Variants in CHRNB2 observed in about 807,000 individuals in gnomAD.
CHRNB2 encodes the protein neuronal acetylcholine receptor subunit beta-2.
A neutral mutation model predicts 42.7 loss-of-function variants in CHRNB2; 33 were observed. The ratio of observed to expected loss-of-function variants is 0.77; its 90% CI spans 0.59 to 1.03. CHRNB2 has a LOEUF of 1.03. CHRNB2 is among the 50% of genes least tolerant of loss of function. The pLI, the probability that CHRNB2 is intolerant of heterozygous loss-of-function variation, is 0.00. For synonymous variants in CHRNB2, 325 were observed against 292.9 expected, an observed-to-expected ratio of 1.11 and a Z score of -1.12; for missense variants, 603 against 700.9, an observed-to-expected ratio of 0.86 and a Z score of 1.58.
intron 2 of CHRNB2, 42 bp from the exon 3 acceptor site, chr1:154,569,750 A>G (rs1342262607): frequency 6.2e-7 from 1 of 1,613,970 alleles, no homozygotes; most frequent in South Asian, 1.1e-5. Context: ...GTGACCCCAC[A>G]GGCTTAGGGG....
chr1:154,569,897 A>G (rs1005923760), intron 3 of CHRNB2, 61 bp downstream of exon 3: 7 of 1,588,128 alleles, frequency 4.4e-6, no homozygotes, highest in Admixed American at 3.3e-5. Flanking sequence ...CTTTTTCCCC[A>G]TGTGCTTTTT....
chr1:154,571,890 G>A lies in CHRNB2; in HGVS notation c.1067G>A (p.Cys356Tyr), dbSNP rs1186580378. 1 of 1,587,584 alleles carries A rather than the reference G, an allele frequency of 6.3e-7. No homozygotes were observed. The highest frequency in any genetic ancestry group is 8.5e-7 in the Non-Finnish European group (1 of 1,170,772). ...TTCATGCAGCAGCCACGCCATCATT[G>A]CGCCCGTCAGCGCCTGCGCCTGCGG... ...LLFMQQPRHH[C>Y]ARQRLRLRRR... Residue 356 changes from cysteine to tyrosine, a missense_variant, in exon 5 of 6, where the codon TGC (cysteine) becomes TAC (tyrosine). Transcript: ENST00000368476. This position sits in a 1 kb window ranked among gnomAD's most constrained non-coding sequence, Gnocchi z 6.8.
At chr1:154,568,704 G>A (rs747757694) in intron 1 of CHRNB2, among the ~76,000 whole-genome samples, 1 of 151,978 alleles carries the variant, frequency 6.6e-6, no homozygotes, top group South Asian at 2.1e-4. Flanking sequence ...GGGTGTGTTC[G>A]TGCAGAGTTG....
intron 3 of CHRNB2, 31 bp downstream of exon 3, chr1:154,569,867 C>T (rs1696131620): frequency 8.1e-6 from 13 of 1,613,024 alleles, no homozygotes; most frequent in Non-Finnish European, 1.1e-5. Context: ...CCACCCACAC[C>T]CCTGGCCTTC....
chr1:154,571,846 G>A lies in CHRNB2; in HGVS notation c.1023G>A (p.Glu341=). ...CCTGGGTGAAGGTCGTCTTCCTGGAGAAGCTGCCCGCGCTGCTCTTCATGC... is the reference window on the plus strand; with the variant it reads ...CCTGGGTGAAGGTCGTCTTCCTGGAAAAGCTGCCCGCGCTGCTCTTCATGC... The part of the protein sequence containing the change: ...MAPWVKVVFL[E]KLPALLFMQQ... The change falls in exon 5 of 6, where the codon GAG becomes GAA. Residue 341 remains glutamate, a synonymous_variant. Coordinates refer to ENST00000368476, the MANE Select transcript of CHRNB2 (RefSeq NM_000748.3). This position sits in a 1 kb window ranked among gnomAD's most constrained non-coding sequence, Gnocchi z 6.8. 6.2e-7 allele frequency: 1 copy of A among 1,611,546 alleles called. No homozygotes were observed. Among genetic ancestry groups the A allele is most frequent in the Non-Finnish European group, 8.5e-7 (1 of 1,179,614 alleles).
Position 154,571,513 on chromosome 1 carries a change from T to A in CHRNB2, c.690T>A (p.Ile230=). The change falls in exon 5 of 6, where the codon ATT becomes ATA. Residue 230 remains isoleucine, a synonymous_variant. Transcript: ENST00000368476. The surrounding 1 kb of genome is among the most constrained non-coding windows in gnomAD (Gnocchi z 6.8). ...TGGACATCACGTATGACTTCATCATTCGCCGCAAGCCGCTCTTCTACACCA... is the reference window on the plus strand; with the variant it reads ...TGGACATCACGTATGACTTCATCATACGCCGCAAGCCGCTCTTCTACACCA... ...TYVDITYDFI[I]RRKPLFYTIN... 9 of 1,613,922 alleles carry A rather than the reference T, an allele frequency of 5.6e-6. 1 individual carries two copies. Among genetic ancestry groups the A allele is most frequent in the Non-Finnish European group, 7.6e-6 (9 of 1,180,000 alleles).
At position 154,567,805 on chromosome 1, in the gene CHRNB2, G is replaced by A. The variant is rs1015158272; in HGVS notation, c.-240G>A. 3 of 439,034 alleles carry A rather than the reference G, an allele frequency of 6.8e-6. No homozygotes were observed. The highest frequency in any genetic ancestry group is 4.9e-5 in the South Asian group (1 of 20,548). 27.2% of individuals were successfully genotyped at this position (439,034 alleles called of 1,614,324 possible). On this transcript the variant is annotated 5_prime_UTR_variant, in exon 1 of 6. Transcript: ENST00000368476. ...ACTCCTCCCCCTCACCGTCCCAATT[G>A]TATTCCCTGGAAGAGCAGCCGGAAA...
rs1553203865 is a variant in CHRNB2 at position 154,568,114 on chromosome 1, G to C, written c.64+6G>C. ...CCTCCTCCGGCTGTGCTCAGGTAAG[G>C]GAAAGACGGGCACTGGCCAGGTTCT... On this transcript the variant is annotated splice_donor_region_variant and intron_variant, in intron 1 of 5. Coordinates refer to ENST00000368476, the MANE Select transcript of CHRNB2 (RefSeq NM_000748.3). The C allele has an allele frequency of 1.3e-6, 2 of 1,599,358 alleles. No homozygotes were observed. The highest frequency in any genetic ancestry group is 1.7e-6 in the Non-Finnish European group (2 of 1,173,722).
intron 5 of CHRNB2, among the ~76,000 whole-genome samples, chr1:154,572,674 G>A (rs893228157): frequency 1.3e-5 from 2 of 152,078 alleles, no homozygotes; most frequent in Admixed American, 6.6e-5. Context: ...CGTTGGTGGC[G>A]GGGTTAGAGA....
chr1:154,571,359 A>G lies in CHRNB2; in HGVS notation c.536A>G (p.Asp179Gly). Residue 179 changes from aspartate (D) to glycine (G), a missense_variant, in exon 5 of 6, where the codon GAC becomes GGC. Asp to Gly is a moderately conservative substitution (Grantham distance 94, BLOSUM62 -1). Transcript: ENST00000368476. This position sits in a 1 kb window ranked among gnomAD's most constrained non-coding sequence, Gnocchi z 6.8. Reference protein sequence around the residue: ...CTMKFRSWTYDRTEIDLVLKS... With the variant: ...CTMKFRSWTYGRTEIDLVLKS... ...ATGAAGTTCCGTTCGTGGACCTACG[A>G]CCGCACAGAGATCGACTTGGTGCTG... 1.2e-6 allele frequency: 2 copies of G among 1,614,154 alleles called. No individual in the cohort carries two copies. The highest frequency in any genetic ancestry group is 1.7e-6 in the Non-Finnish European group (2 of 1,180,034).
At chr1:154,568,698 G>A (rs1696106481) in intron 1 of CHRNB2, among the ~76,000 whole-genome samples, 1 of 152,030 alleles carries the variant, frequency 6.6e-6, no homozygotes, top group Non-Finnish European at 1.5e-5. Flanking sequence ...GGGGAGGGGT[G>A]TGTTCGTGCA....
Position 154,567,853 on chromosome 1 carries a change from G to C in CHRNB2, c.-192G>C, listed in dbSNP as rs1696087318. 4 of 479,422 alleles carry C rather than the reference G, an allele frequency of 8.3e-6. No homozygotes were observed. Among genetic ancestry groups the C allele is most frequent in the Admixed American group, 4.4e-5 (1 of 22,502 alleles). 29.7% of individuals were successfully genotyped at this position (479,422 alleles called of 1,614,324 possible). On this transcript the variant is annotated 5_prime_UTR_variant, in exon 1 of 6. Transcript: ENST00000368476. ...AAAAGCCTCCGCCTGCTCATACCAG[G>C]ATAGGCAAGAAGCTGGTTTCTCCTC...
intron 5 of CHRNB2, 45 bp downstream of exon 5, chr1:154,572,206 G>A (rs1696187806): frequency 6.5e-7 from 1 of 1,533,996 alleles, no homozygotes; most frequent in African/African-American, 1.4e-5. Flanking sequence ...TATGGGGTCT[G>A]CCAGGGCCCG....
Position 154,576,197 on chromosome 1 carries a change from T to C in CHRNB2, c.*265T>C. On this transcript the variant is annotated 3_prime_UTR_variant, in exon 6 of 6. Coordinates refer to ENST00000368476, the MANE Select transcript of CHRNB2 (RefSeq NM_000748.3). ...ATAGTGTTGAGGAGGGGAGCAAGGC[T>C]GCTAAGTGGAAGACAGAGATGGCAG... 1.9e-6 allele frequency: 1 copy of C among 522,006 alleles called. No homozygotes were observed. The allele number at this position is 522,006 out of a possible 1,614,324, so 32.3% of individuals were successfully genotyped here.
rs1157728260 is a variant in CHRNB2 at position 154,577,685 on chromosome 1, ACTCTTCCCCC to A, written c.*1762_*1771del. 2 of 151,852 alleles carry A rather than the reference ACTCTTCCCCC, an allele frequency of 1.3e-5. No individual in the cohort carries two copies. Among genetic ancestry groups the A allele is most frequent in the African/African-American group, 4.8e-5 (2 of 41,280 alleles). 9.4% of individuals were successfully genotyped at this position (151,852 alleles called of 1,614,324 possible). ...TCATGCCAGCCTCCCTCCCAGGCCC[ACTCTTCCCCC>A]CTCTTCCCTGAGGAAACCAAGTCTC... On this transcript the variant is annotated 3_prime_UTR_variant, in exon 6 of 6. Coordinates refer to ENST00000368476, the MANE Select transcript of CHRNB2 (RefSeq NM_000748.3).
intron 4 of CHRNB2, among the ~76,000 whole-genome samples, chr1:154,570,972 C>T (rs1696152125): frequency 6.6e-6 from 1 of 152,046 alleles, no homozygotes; most frequent in Non-Finnish European, 1.5e-5. Context: ...GCCTTCTGAC[C>T]AGGACACTTC....
intron 3 of CHRNB2, 75 bp from the exon 4 acceptor site, chr1:154,570,183 C>A: frequency 1.0e-6 from 1 of 969,532 alleles, no homozygotes; most frequent in East Asian, 2.6e-5. Flanking sequence ...ATATGGGCCC[C>A]CTCTAGTTCG....
In CHRNB2 at chr1:154,571,918, A is replaced by T; in HGVS notation, c.1095A>T (p.Arg365=). 4 of 1,568,862 alleles carry T rather than the reference A, an allele frequency of 2.5e-6. No individual in the cohort carries two copies. The highest frequency in any genetic ancestry group is 3.4e-6 in the Non-Finnish European group (4 of 1,161,974). The change falls in exon 5 of 6, where the codon CGA becomes CGT. Residue 365 remains arginine (R), a synonymous_variant. Coordinates refer to ENST00000368476, the MANE Select transcript of CHRNB2 (RefSeq NM_000748.3). This position sits in a 1 kb window ranked among gnomAD's most constrained non-coding sequence, Gnocchi z 6.8. ...HCARQRLRLR[R]RQREREGAGA... ...CCCGTCAGCGCCTGCGCCTGCGGCG[A>T]CGCCAGCGTGAGCGCGAGGGCGCTG...
At position 154,569,779 on chromosome 1, in the gene CHRNB2, T is replaced by C. The variant is rs201514937; in HGVS notation, c.211-13T>C. ...TTAGGGGCCTTCTCGGCAGCCTCTCTTCCTCCCTGCAGCATGAGCGGGAGC... is the reference window on the plus strand; with the variant it reads ...TTAGGGGCCTTCTCGGCAGCCTCTCCTCCTCCCTGCAGCATGAGCGGGAGC... On this transcript the variant is annotated splice_polypyrimidine_tract_variant and intron_variant, in intron 2 of 5. Coordinates refer to ENST00000368476, the MANE Select transcript of CHRNB2 (RefSeq NM_000748.3). 93 of 1,614,020 alleles carry C rather than the reference T, an allele frequency of 5.8e-5. 1 individual carries two copies. Among genetic ancestry groups the C allele is most frequent in the Admixed American group, 4.0e-4 (24 of 60,004 alleles).
Sources: gnomAD v4.1 joint callset for allele counts (sites outside exome capture counted in the v4.1 genomes callset) on GRCh38, gnomAD v4.1.1 for gene constraint, Gnocchi (gnomAD v3.1) non-coding constraint, MANE v1.5 for transcripts, NCBI Gene and HGNC (gene_info 2026-07-23, HGNC 2026-07-21) for gene names.